ARSJ: variants seen among roughly 807,000 people sequenced by gnomAD.
The protein encoded by ARSJ is arylsulfatase family member J, also known as arylsulfatase J.
Under a neutral mutation model 35.9 loss-of-function variants are expected in ARSJ, and 26 were observed. That is an observed-to-expected ratio of 0.72 (90% confidence interval 0.53 to 1.00). ARSJ has a LOEUF of 1.00. Among genes scored for constraint, ARSJ ranks in the 50% least tolerant of loss-of-function variants. ARSJ has a pLI of 0.00. For missense variants in ARSJ, 667 were observed against 723.6 expected, an observed-to-expected ratio of 0.92 and a Z score of 0.90; for synonymous variants, 294 against 267.6, an observed-to-expected ratio of 1.10 and a Z score of -0.96.
At chr4:113,958,398 T>C (rs1562370185) in intron 1 of ARSJ, among the ~76,000 whole-genome samples, 1 of 152,058 alleles carries the variant, frequency 6.6e-6, no homozygotes, top group Non-Finnish European at 1.5e-5. Context: ...AAAGGCATTA[T>C]CAATATTATG....
intron 1 of ARSJ, among the ~76,000 whole-genome samples, chr4:113,977,833 A>C (rs1185256791): frequency 1.3e-5 from 2 of 152,196 alleles, no homozygotes; most frequent in Non-Finnish European, 2.9e-5. Flanking sequence ...CCTCTTGAGC[A>C]CTTACCATTG....
intron 1 of ARSJ, among the ~76,000 whole-genome samples, chr4:113,920,885 C>T (rs1393075202): frequency 2.6e-5 from 4 of 152,038 alleles, no homozygotes; most frequent in Non-Finnish European, 4.4e-5. Flanking sequence ...TATTCTCGAA[C>T]AATTTAATCT....
At chr4:113,922,737 C>T (rs1000002387) in intron 1 of ARSJ, among the ~76,000 whole-genome samples, 9 of 152,072 alleles carry the variant, frequency 5.9e-5, no homozygotes, top group Non-Finnish European at 1.0e-4. Context: ...GCCAGTTTTG[C>T]TTGGTTATAT....
At chr4:113,924,640 C>T (rs887691946) in intron 1 of ARSJ, among the ~76,000 whole-genome samples, 1 of 152,032 alleles carries the variant, frequency 6.6e-6, no homozygotes, top group Non-Finnish European at 1.5e-5. Flanking sequence ...TGCACTAATC[C>T]CCACTCAAAT....
intron 1 of ARSJ, among the ~76,000 whole-genome samples, chr4:113,934,287 C>T (rs994093028): frequency 2.0e-5 from 3 of 151,778 alleles, no homozygotes; most frequent in African/African-American, 4.8e-5. Context: ...TACATCTGCA[C>T]TCCCATGTTT....
chr4:113,934,368 G>C (rs1238605021), intron 1 of ARSJ, among the ~76,000 whole-genome samples: 1 of 151,638 alleles, frequency 6.6e-6, no homozygotes, highest in Non-Finnish European at 1.5e-5. Context: ...AAAAAAAGTG[G>C]TACATATGTA....
chr4:113,950,199 C>T (rs544532264), intron 1 of ARSJ, among the ~76,000 whole-genome samples: 2 of 152,230 alleles, frequency 1.3e-5, no homozygotes, highest in Admixed American at 1.3e-4. Flanking sequence ...AACAGCTTCT[C>T]CTTTTCCCTC....
intron 1 of ARSJ, among the ~76,000 whole-genome samples, chr4:113,937,764 A>C (rs1429093251): frequency 6.6e-6 from 1 of 152,106 alleles, no homozygotes; most frequent in Non-Finnish European, 1.5e-5. Flanking sequence ...CAGAGAGCCA[A>C]ATCATGAATG....
chr4:113,926,847 T>C (rs572349801), intron 1 of ARSJ, among the ~76,000 whole-genome samples: 2 of 151,974 alleles, frequency 1.3e-5, no homozygotes, highest in African/African-American at 4.8e-5. Flanking sequence ...AAAAGGAGAG[T>C]TGTTATCTGC....
At chr4:113,923,109 T>C (rs1341291674) in intron 1 of ARSJ, among the ~76,000 whole-genome samples, 2 of 152,170 alleles carry the variant, frequency 1.3e-5, no homozygotes, top group Non-Finnish European at 2.9e-5. Flanking sequence ...CTTTCTCCTC[T>C]GGGTCTCCAG....
At chr4:113,928,630 T>A (rs1724230807) in intron 1 of ARSJ, among the ~76,000 whole-genome samples, 1 of 152,152 alleles carries the variant, frequency 6.6e-6, no homozygotes, top group East Asian at 1.9e-4. Flanking sequence ...CCACCTTGCC[T>A]TTGATGGTTG....
rs766150372 is a variant in ARSJ, at chr4:113,905,660, A to ATTTTTTTTTT, written c.399-1995_399-1986dup. 6.1e-5 allele frequency among the ~76,000 whole-genome samples: 5 copies of ATTTTTTTTTT among 81,854 alleles called. 2 individuals are homozygous for ATTTTTTTTTT. The highest frequency in any genetic ancestry group is 1.8e-4 in the Admixed American group (1 of 5,478). 53.7% of individuals were successfully genotyped at this position (81,854 alleles called of 152,430 possible). Reference sequence around the variant, plus strand: ...GAAGGCATTGTTACTGTTCTTGATAATTTTTTTTTTTTTTTTTTTTTTTTT... The same window carrying ATTTTTTTTTT: ...GAAGGCATTGTTACTGTTCTTGATAATTTTTTTTTTTTTTTTTTTTTTTTTTTTTTTTTTT... On this transcript the variant is annotated intron_variant, in intron 1 of 1. Coordinates refer to ENST00000315366, the MANE Select transcript of ARSJ (RefSeq NM_024590.4).
intron 1 of ARSJ, among the ~76,000 whole-genome samples, chr4:113,954,590 C>T (rs946819790): frequency 6.6e-6 from 1 of 152,032 alleles, no homozygotes; most frequent in East Asian, 1.9e-4. Context: ...ACATCTATCT[C>T]CCTTAACTTG....
At chr4:113,914,037 G>A (rs548171788) in intron 1 of ARSJ, among the ~76,000 whole-genome samples, 106 of 152,038 alleles carry the variant, frequency 7.0e-4, no homozygotes, top group Non-Finnish European at 1.4e-3. Context: ...GCAATAGTGC[G>A]GTCTCAGCTC....
rs1419459057 is a variant in ARSJ at position 113,971,329 on chromosome 4, C to T, written c.398+7108G>A. Among the ~76,000 whole-genome samples, 3 of 152,166 alleles carry T rather than the reference C, an allele frequency of 2.0e-5. No homozygotes were observed. The East Asian group carries it at 5.8e-4, about 29-fold the overall frequency. On this transcript the variant is annotated intron_variant, in intron 1 of 1. Coordinates refer to ENST00000315366, the MANE Select transcript of ARSJ (RefSeq NM_024590.4). ...TCTAAGAGTTGTCATTTGGATGACA[C>T]AAGACATCGTCAGCCTTCTGCGCCT...
chr4:113,937,226 C>T (rs768350330), intron 1 of ARSJ, among the ~76,000 whole-genome samples: 5 of 151,916 alleles, frequency 3.3e-5, no homozygotes, highest in Admixed American at 6.6e-5. Flanking sequence ...TTTTCCACCA[C>T]TTCTGACCAC....
intron 1 of ARSJ, among the ~76,000 whole-genome samples, chr4:113,917,046 A>G (rs1189234743): frequency 2.0e-5 from 3 of 152,176 alleles, no homozygotes; most frequent in African/African-American, 7.2e-5. Context: ...TACTCATATC[A>G]TAACAGGTAA....
chr4:113,915,996 C>T (rs1048828980), intron 1 of ARSJ, among the ~76,000 whole-genome samples: 2 of 152,248 alleles, frequency 1.3e-5, no homozygotes, highest in Non-Finnish European at 2.9e-5. Flanking sequence ...TTTAATCTCA[C>T]ATGCTCTCTA....
intron 1 of ARSJ, among the ~76,000 whole-genome samples, chr4:113,947,697 T>C (rs1270417736): frequency 2.0e-5 from 3 of 152,100 alleles, no homozygotes; most frequent in African/African-American, 7.2e-5. Flanking sequence ...ATAATCTACC[T>C]GAGCAACTAA....
Sources: gnomAD v4.1 joint callset for allele counts (sites outside exome capture counted in the v4.1 genomes callset) on GRCh38, gnomAD v4.1.1 for gene constraint, MANE v1.5 for transcripts, NCBI Gene and HGNC (gene_info 2026-07-23, HGNC 2026-07-21) for gene names.